SLC24A3: variants seen among roughly 807,000 people sequenced by gnomAD.
SLC24A3 encodes the protein solute carrier family 24 member 3.
Under a neutral mutation model 75.8 loss-of-function variants are expected in SLC24A3, and 28 were observed. The ratio of observed to expected loss-of-function variants is 0.37; its 90% CI spans 0.27 to 0.51. The LOEUF (loss-of-function observed/expected upper bound fraction) is 0.51, where lower values mean the gene tolerates loss of function less well. Among genes scored for constraint, SLC24A3 ranks in the 20% least tolerant of loss-of-function variants. The pLI is 0.94. For missense variants in SLC24A3, 663 were observed against 847.8 expected (o/e 0.78, Z 2.71); for synonymous variants, 372 against 334.1 (o/e 1.11, Z -1.24).
intron 6 of SLC24A3, among the ~76,000 whole-genome samples, chr20:19,640,857 A>G (rs972894359): frequency 6.6e-6 from 1 of 152,224 alleles, no homozygotes; most frequent in Non-Finnish European, 1.5e-5. Flanking sequence ...TAAAAACTTA[A>G]TTTATGACCC....
chr20:19,277,301 A>G (rs1384028449), intron 1 of SLC24A3, among the ~76,000 whole-genome samples: 1 of 152,258 alleles, frequency 6.6e-6, no homozygotes, highest in Non-Finnish European at 1.5e-5. Context: ...AAGATGAAAC[A>G]TGGTGAAGAA....
chr20:19,525,838 T>A (rs1386893856), intron 3 of SLC24A3, among the ~76,000 whole-genome samples: 1 of 152,176 alleles, frequency 6.6e-6, no homozygotes, highest in Non-Finnish European at 1.5e-5. Flanking sequence ...AGACTCCCCG[T>A]GAGTCTTCTT....
intron 9 of SLC24A3, among the ~76,000 whole-genome samples, chr20:19,679,484 G>T (rs2032581298): frequency 6.7e-6 from 1 of 149,484 alleles, no homozygotes; most frequent in South Asian, 2.2e-4. Context: ...GCATCAGAGG[G>T]AGACCGTGGA....
chr20:19,382,833 A>G (rs1026842380), intron 2 of SLC24A3, among the ~76,000 whole-genome samples: 8 of 152,148 alleles, frequency 5.3e-5, no homozygotes, highest in Non-Finnish European at 1.0e-4. Context: ...AGGATAGATG[A>G]TGGGGCTGCA....
chr20:19,598,487 G>A (rs1262489115), intron 6 of SLC24A3, among the ~76,000 whole-genome samples: 1 of 152,084 alleles, frequency 6.6e-6, no homozygotes, highest in East Asian at 1.9e-4. Context: ...TGTGTGGAAG[G>A]GAGGATGAGT....
chr20:19,494,411 G>A (rs1988251993), intron 2 of SLC24A3, among the ~76,000 whole-genome samples: 1 of 152,216 alleles, frequency 6.6e-6, no homozygotes, highest in Admixed American at 6.5e-5. Flanking sequence ...TCTCAATGAG[G>A]ATGCTTGGTT....
At chr20:19,268,056 T>A (rs1196265114) in intron 1 of SLC24A3, among the ~76,000 whole-genome samples, 1 of 152,210 alleles carries the variant, frequency 6.6e-6, no homozygotes, top group Non-Finnish European at 1.5e-5. Context: ...CAAAATATTG[T>A]AATATTTTAA....
chr20:19,279,807 G>C (rs186531242), intron 1 of SLC24A3, among the ~76,000 whole-genome samples: 19 of 152,298 alleles, frequency 1.2e-4, no homozygotes, highest in Non-Finnish European at 5.9e-5. Context: ...GATGTCCAAG[G>C]TGATGCCCAG....
intron 2 of SLC24A3, among the ~76,000 whole-genome samples, chr20:19,345,228 A>G (rs945670116): frequency 6.6e-6 from 1 of 152,204 alleles, no homozygotes; most frequent in African/African-American, 2.4e-5. Context: ...TACAAGACTG[A>G]TATGAAAAAA....
At chr20:19,685,631 G>T (rs550564127) in intron 12 of SLC24A3, among the ~76,000 whole-genome samples, 2 of 152,212 alleles carry the variant, frequency 1.3e-5, no homozygotes, top group East Asian at 3.9e-4. Context: ...ATTTGTTCTA[G>T]GTCCTGCTCA....
intron 1 of SLC24A3, among the ~76,000 whole-genome samples, chr20:19,268,897 A>G (rs573825194): frequency 6.6e-6 from 1 of 152,256 alleles, no homozygotes; most frequent in Non-Finnish European, 1.5e-5. Context: ...AGAAGAAAAT[A>G]AAAGTCAGAC....
At chr20:19,563,780 C>T (rs1040651936) in intron 3 of SLC24A3, among the ~76,000 whole-genome samples, 1 of 152,172 alleles carries the variant, frequency 6.6e-6, no homozygotes, top group Non-Finnish European at 1.5e-5. Flanking sequence ...ATGCAAAAAT[C>T]TTGATAATTT....
At chr20:19,376,809 T>C (rs530945123) in intron 2 of SLC24A3, among the ~76,000 whole-genome samples, 1 of 152,202 alleles carries the variant, frequency 6.6e-6, no homozygotes, top group South Asian at 2.1e-4. Flanking sequence ...TATTTCTGGA[T>C]GAAAAGTCCT....
At chr20:19,614,242 C>T (rs2031707019) in intron 6 of SLC24A3, among the ~76,000 whole-genome samples, 1 of 152,170 alleles carries the variant, frequency 6.6e-6, no homozygotes, top group Non-Finnish European at 1.5e-5. Context: ...TCAGTTTCCT[C>T]AACTGTAAAA....
At chr20:19,500,627 A>T (rs1002995918) in intron 2 of SLC24A3, among the ~76,000 whole-genome samples, 1 of 152,234 alleles carries the variant, frequency 6.6e-6, no homozygotes, top group African/African-American at 2.4e-5. Flanking sequence ...TGAAATTCAA[A>T]GTTATATAAT....
intron 6 of SLC24A3, among the ~76,000 whole-genome samples, chr20:19,620,690 T>G (rs1798479244): frequency 1.3e-5 from 2 of 152,166 alleles, no homozygotes; most frequent in African/African-American, 4.8e-5. Flanking sequence ...GCTGGATGAT[T>G]AACGCATGTG....
intron 2 of SLC24A3, among the ~76,000 whole-genome samples, chr20:19,508,661 T>C (rs1054526128): frequency 5.9e-5 from 9 of 152,236 alleles, no homozygotes; most frequent in Middle Eastern, 3.2e-3. Flanking sequence ...CCCTGTGGTT[T>C]CCATGGGAAC....
intron 6 of SLC24A3, among the ~76,000 whole-genome samples, chr20:19,622,371 A>G (rs912303236): frequency 6.6e-6 from 1 of 152,192 alleles, no homozygotes; most frequent in Non-Finnish European, 1.5e-5. Context: ...TGGCTGGGTC[A>G]TTTCTAGAGT....
intron 2 of SLC24A3, 69 bp from the exon 3 acceptor site, chr20:19,515,419 A>G: frequency 2.1e-6 from 3 of 1,448,970 alleles, no homozygotes; most frequent in Non-Finnish European, 2.9e-6. Flanking sequence ...TAAAACCAAG[A>G]CTCCCAGACC....
Sources: gnomAD v4.1 joint callset for allele counts (sites outside exome capture counted in the v4.1 genomes callset) on GRCh38, gnomAD v4.1.1 for gene constraint, MANE v1.5 for transcripts, NCBI Gene and HGNC (gene_info 2026-07-23, HGNC 2026-07-21) for gene names.